The following RABGAP1L variants were observed in gnomAD, a reference collection of about 807,000 sequenced individuals.
The protein encoded by RABGAP1L is rab GTPase-activating protein 1-like.
Under a neutral mutation model 137.7 loss-of-function variants are expected in RABGAP1L, and 63 were observed. The ratio of observed to expected loss-of-function variants is 0.46; its 90% CI spans 0.37 to 0.56. The LOEUF is 0.56. RABGAP1L is among the 20% of genes least tolerant of loss of function. The pLI is 0.00. For synonymous variants in RABGAP1L, 431 were observed against 433.7 expected, an observed-to-expected ratio of 0.99 and a Z score of 0.08; for missense variants, 1,095 against 1,244.0, an observed-to-expected ratio of 0.88 and a Z score of 1.80.
intron 10 of RABGAP1L, among the ~76,000 whole-genome samples, chr1:174,280,696 A>G (rs1405076160): frequency 6.6e-6 from 1 of 152,224 alleles, no homozygotes; most frequent in African/African-American, 2.4e-5. Context: ...GAGCAAGGAG[A>G]GCACTTAACA....
chr1:174,561,608 A>G (rs542720559), intron 13 of RABGAP1L, among the ~76,000 whole-genome samples: 27 of 152,324 alleles, frequency 1.8e-4, no homozygotes, highest in African/African-American at 6.3e-4. Context: ...ACTTCAAACT[A>G]TACTACAAGG....
Position 174,602,370 on chromosome 1 carries a change from G to A in RABGAP1L, c.1711-35005G>A, listed in dbSNP as rs572663431. 4.6e-5 allele frequency among the ~76,000 whole-genome samples: 7 copies of A among 152,132 alleles called. No homozygotes were observed. The East Asian group carries it at 7.7e-4, about 17-fold the overall frequency. On this transcript the variant is annotated intron_variant, in intron 13 of 25. Coordinates refer to ENST00000681986, the MANE Select transcript of RABGAP1L (RefSeq NM_001366446.1). ...ACCCCTGATAAACCCGTTAGATCTC[G>A]TGAGACTTATTCACTACACCAGAAT...
At chr1:174,452,234 C>A (rs149877082) in intron 13 of RABGAP1L, among the ~76,000 whole-genome samples, 2 of 152,098 alleles carry the variant, frequency 1.3e-5, no homozygotes, top group African/African-American at 4.8e-5. Context: ...ACAATGCATT[C>A]TGTATTCTTT....
intron 24 of RABGAP1L, among the ~76,000 whole-genome samples, chr1:174,983,266 T>A (rs977062088): frequency 1.3e-5 from 2 of 148,258 alleles, no homozygotes; most frequent in Non-Finnish European, 3.0e-5. Flanking sequence ...CTCAGTAGGA[T>A]CATCCCATCA....
chr1:174,739,722 C>T (rs1258176923), intron 17 of RABGAP1L, among the ~76,000 whole-genome samples: 1 of 152,206 alleles, frequency 6.6e-6, no homozygotes, highest in Non-Finnish European at 1.5e-5. Context: ...AGTCTTAATT[C>T]TGTGAACTCA....
chr1:174,355,815 G>A (rs975904039), intron 11 of RABGAP1L, among the ~76,000 whole-genome samples: 10 of 152,100 alleles, frequency 6.6e-5, no homozygotes, highest in Non-Finnish European at 1.0e-4. Context: ...GAATGACAGT[G>A]ATGATGCTTA....
chr1:174,329,974 T>C (rs1289502393), intron 11 of RABGAP1L, among the ~76,000 whole-genome samples: 1 of 152,138 alleles, frequency 6.6e-6, no homozygotes, highest in Non-Finnish European at 1.5e-5. Flanking sequence ...TGAAAACTTT[T>C]TCTCTGATTT....
intron 13 of RABGAP1L, among the ~76,000 whole-genome samples, chr1:174,418,653 A>G (rs1476921321): frequency 2.6e-5 from 4 of 152,320 alleles, no homozygotes; most frequent in Admixed American, 6.5e-5. Context: ...GGGCACTCCA[A>G]GCAATTTTTA....
intron 11 of RABGAP1L, among the ~76,000 whole-genome samples, chr1:174,314,067 C>G (rs913918930): frequency 2.6e-5 from 4 of 152,084 alleles, no homozygotes; most frequent in Non-Finnish European, 5.9e-5. Flanking sequence ...CTCTGTTTTG[C>G]AGTAGTTCGA....
At chr1:174,452,715 C>T (rs1655575008) in intron 13 of RABGAP1L, among the ~76,000 whole-genome samples, 1 of 152,072 alleles carries the variant, frequency 6.6e-6, no homozygotes, top group African/African-American at 2.4e-5. Context: ...GCAGCTGCCA[C>T]CACGCCCAGC....
chr1:174,824,873 C>T (rs1251151585), intron 19 of RABGAP1L, among the ~76,000 whole-genome samples: 1 of 151,858 alleles, frequency 6.6e-6, no homozygotes, highest in Non-Finnish European at 1.5e-5. Flanking sequence ...CCAAAAAAAG[C>T]GAAATATTTT....
chr1:174,375,929 A>C (rs536726797), intron 12 of RABGAP1L, among the ~76,000 whole-genome samples: 12 of 152,142 alleles, frequency 7.9e-5, no homozygotes, highest in African/African-American at 2.6e-4. Flanking sequence ...TTAGCCAGGC[A>C]TGGTGGTGTG....
chr1:174,917,440 T>A (rs567397612), intron 19 of RABGAP1L, among the ~76,000 whole-genome samples: 5 of 152,362 alleles, frequency 3.3e-5, no homozygotes, highest in African/African-American at 1.2e-4. Flanking sequence ...TTATGGCGAT[T>A]GCAAAGACTG....
intron 13 of RABGAP1L, among the ~76,000 whole-genome samples, chr1:174,553,595 C>T (rs1164416781): frequency 6.6e-6 from 1 of 152,224 alleles, no homozygotes; most frequent in African/African-American, 2.4e-5. Context: ...AATGTTATTA[C>T]TCTAAAACAG....
chr1:174,758,606 CA>C (rs1293294509), intron 18 of RABGAP1L, among the ~76,000 whole-genome samples: 1 of 152,138 alleles, frequency 6.6e-6, no homozygotes, highest in Non-Finnish European at 1.5e-5. Context: ...CAAGTTTCTA[CA>C]AAAGACATTA....
intron 13 of RABGAP1L, among the ~76,000 whole-genome samples, chr1:174,438,683 A>G (rs751099551): frequency 1.4e-5 from 2 of 146,214 alleles, no homozygotes; most frequent in Non-Finnish European, 3.0e-5. Flanking sequence ...ACGCCACTGC[A>G]CTCCAGCCTG....
intron 20 of RABGAP1L, among the ~76,000 whole-genome samples, chr1:174,962,203 C>G (rs115335206): frequency 0.01 from 1,387 of 137,804 alleles, 149 homozygotes; most frequent in Non-Finnish European, 0.015. Flanking sequence ...TACACCCCCC[C>G]CCCACACACA....
In RABGAP1L at chr1:174,874,628, G is replaced by A. The variant is rs1015133807; in HGVS notation, c.2340+62668G>A. 1.1e-4 allele frequency: 55 copies of A among 488,298 alleles called. 1 individual carries two copies. Among genetic ancestry groups the A allele is most frequent in the Non-Finnish European group, 1.3e-4 (51 of 381,780 alleles). The allele number at this position is 488,298 out of a possible 1,614,324, so 30.2% of individuals were successfully genotyped here. A position where few individuals can be genotyped will look rare whatever the true frequency, so the allele number is the denominator to read the frequency against. Reference sequence around the variant, plus strand: ...TCCAATGCAGTTGCGTGGTGTGAAGGCGATAACTGCAGACACTCAGGTGTA... The same window carrying A: ...TCCAATGCAGTTGCGTGGTGTGAAGACGATAACTGCAGACACTCAGGTGTA... On this transcript the variant is annotated intron_variant, in intron 19 of 25. Transcript: ENST00000681986.
rs897529190 is a variant in RABGAP1L, at chr1:174,711,475, G to A, written c.2169+9219G>A. On this transcript the variant is annotated intron_variant, in intron 17 of 25. Coordinates refer to ENST00000681986, the MANE Select transcript of RABGAP1L (RefSeq NM_001366446.1). ...AGTTCCAGGTGGGCGCGGGCTTGGC[G>A]GACCCCGCACTCGGAGCGGCTGGCC... Among the ~76,000 whole-genome samples, 10 of 152,188 alleles carry A rather than the reference G, an allele frequency of 6.6e-5. 1 individual carries two copies. In the South Asian group the frequency reaches 1.0e-3, roughly 16 times the overall value.
Sources: gnomAD v4.1 joint callset for allele counts (sites outside exome capture counted in the v4.1 genomes callset) on GRCh38, gnomAD v4.1.1 for gene constraint, MANE v1.5 for transcripts, NCBI Gene and HGNC (gene_info 2026-07-23, HGNC 2026-07-21) for gene names.